Variants in SAMD5 observed in about 807,000 individuals in gnomAD.
SAMD5 encodes the protein sterile alpha motif domain containing 5.
SAMD5 carries 13 observed loss-of-function variants against 11.3 expected under a neutral mutation model. The observed-to-expected ratio is 1.15, with a 90% CI of 0.75 to 1.83. The LOEUF is 1.83. Among genes scored for constraint, SAMD5 ranks in the 40% most tolerant of loss-of-function variants. SAMD5 has a pLI of 0.00. For missense variants in SAMD5, 255 were observed against 239.1 expected (o/e 1.07, Z -0.44); for synonymous variants, 129 against 111.3 (o/e 1.16, Z -1.00).
At chr6:147,632,171 G>A (rs551922714) in intron 1 of SAMD5, among the ~76,000 whole-genome samples, 1 of 152,154 alleles carries the variant, frequency 6.6e-6, no homozygotes, top group Non-Finnish European at 1.5e-5. Context: ...TGCCCTGAGC[G>A]ATGGGATCTG....
chr6:147,615,848 A>T (rs979930673), intron 1 of SAMD5, among the ~76,000 whole-genome samples: 1 of 152,218 alleles, frequency 6.6e-6, no homozygotes, highest in Non-Finnish European at 1.5e-5. Flanking sequence ...CACAGTTTGA[A>T]ATATACCAAA....
chr6:147,526,334 G>A (rs374187298), intron 1 of SAMD5, among the ~76,000 whole-genome samples: 13 of 152,336 alleles, frequency 8.5e-5, no homozygotes, highest in African/African-American at 3.1e-4. Flanking sequence ...CTGTTGGGGT[G>A]ATGCGGGGAA....
chr6:147,665,849 T>G (rs1023326056), intron 1 of SAMD5, among the ~76,000 whole-genome samples: 1 of 152,240 alleles, frequency 6.6e-6, no homozygotes, highest in Non-Finnish European at 1.5e-5. Context: ...CTTCTGTGTG[T>G]TTTTTTCTCC....
chr6:147,783,952 A>G, the SAMD5 span, among the ~76,000 whole-genome samples: 1 of 152,168 alleles, frequency 6.6e-6, no homozygotes, highest in Admixed American at 6.5e-5. Flanking sequence ...TGTGCCTGCC[A>G]TTGGAGTCCT....
chr6:147,591,122 G>C (rs1454275505), intron 1 of SAMD5, among the ~76,000 whole-genome samples: 2 of 147,220 alleles, frequency 1.4e-5, no homozygotes, highest in African/African-American at 5.0e-5. Context: ...TACCCATATT[G>C]TTTCCATAAG....
intron 1 of SAMD5, among the ~76,000 whole-genome samples, chr6:147,643,699 A>G (rs1292352618): frequency 2.0e-5 from 3 of 151,202 alleles, no homozygotes; most frequent in Admixed American, 1.3e-4. Flanking sequence ...AGACTTTACT[A>G]AAAGGAAAGA....
In SAMD5 at chr6:147,612,690, G is replaced by A. The variant is rs572214871; in HGVS notation, c.162+103303G>A. On this transcript the variant is annotated intron_variant, in intron 1 of 1. Coordinates refer to the SAMD5 transcript ENST00000566741. ...ATGCTAGATTTGGCCTCAGAAACCC[G>A]TGGAAGCACAGAGGAACCTGCTGTG... Among the ~76,000 whole-genome samples the A allele has an allele frequency of 5.3e-5, 8 of 152,278 alleles. No homozygotes were observed. The East Asian group carries it at 5.8e-4, about 11-fold the overall frequency.
the SAMD5 span, among the ~76,000 whole-genome samples, chr6:147,811,652 G>A: frequency 1.3e-5 from 2 of 152,010 alleles, no homozygotes; most frequent in African/African-American, 4.8e-5. Context: ...GAGGGGGAGG[G>A]GGTTATATTG....
chr6:147,544,059 A>C (rs1483497551), intron 1 of SAMD5, among the ~76,000 whole-genome samples: 1 of 152,246 alleles, frequency 6.6e-6, no homozygotes, highest in East Asian at 1.9e-4. Flanking sequence ...AAGGTGGCAT[A>C]ACATTTTTAT....
chr6:147,585,577 T>G (rs1789362464), intron 1 of SAMD5, among the ~76,000 whole-genome samples: 1 of 152,158 alleles, frequency 6.6e-6, no homozygotes, highest in South Asian at 2.1e-4. Context: ...TTTAATAAAT[T>G]GCTATTCTAG....
At chr6:147,946,422 C>T in the SAMD5 span, among the ~76,000 whole-genome samples, 1 of 152,162 alleles carries the variant, frequency 6.6e-6, no homozygotes, top group Admixed American at 6.5e-5. Flanking sequence ...ATGAATGGAG[C>T]ATCTAAGAAC....
At chr6:147,620,626 T>A (rs1268261064) in intron 1 of SAMD5, among the ~76,000 whole-genome samples, 1 of 151,670 alleles carries the variant, frequency 6.6e-6, no homozygotes, top group African/African-American at 2.4e-5. Context: ...GGACCCGGAG[T>A]GATTTCGTGA....
At chr6:147,517,207 A>G (rs911358505) in intron 1 of SAMD5, among the ~76,000 whole-genome samples, 2 of 152,252 alleles carry the variant, frequency 1.3e-5, no homozygotes, top group African/African-American at 4.8e-5. Context: ...AGGGCAATCA[A>G]GGCCCCTGCT....
chr6:147,889,062 A>G, the SAMD5 span, among the ~76,000 whole-genome samples: 1 of 152,122 alleles, frequency 6.6e-6, no homozygotes, highest in Admixed American at 6.6e-5. Context: ...TTTTCTTCAA[A>G]TACTTTTTGT....
intron 1 of SAMD5, among the ~76,000 whole-genome samples, chr6:147,594,016 A>C (rs1944643): frequency 0.049 from 7,417 of 150,294 alleles, 546 homozygotes; most frequent in African/African-American, 0.16. Flanking sequence ...GTAATCCCAG[A>C]TACTCAGGAG....
downstream of SAMD5, among the ~76,000 whole-genome samples, chr6:147,738,520 G>C (rs539874741): frequency 1.4e-4 from 22 of 152,294 alleles, no homozygotes; most frequent in South Asian, 2.3e-3. Flanking sequence ...GTTTTCAAAT[G>C]CATGTTGAGG....
At chr6:147,521,556 C>A (rs1480348752) in intron 1 of SAMD5, among the ~76,000 whole-genome samples, 1 of 151,974 alleles carries the variant, frequency 6.6e-6, no homozygotes, top group Non-Finnish European at 1.5e-5. Context: ...TTACTGTTTA[C>A]TTGAATAAGT....
At chr6:147,792,124 A>G in the SAMD5 span, among the ~76,000 whole-genome samples, 1 of 152,174 alleles carries the variant, frequency 6.6e-6, no homozygotes, top group Non-Finnish European at 1.5e-5. Context: ...TGAGAAAGGA[A>G]TTTATTATAA....
chr6:147,568,127 A>G lies in SAMD5; in HGVS notation c.*3671A>G, dbSNP rs1789073016. The G allele has an allele frequency of 1.0e-6, 1 of 985,266 alleles. No individual in the cohort carries two copies. Among genetic ancestry groups the G allele is most frequent in the East Asian group, 1.1e-4 (1 of 8,810 alleles). The allele number at this position is 985,266 out of a possible 1,614,324, so 61.0% of individuals were successfully genotyped here. On this transcript the variant is annotated 3_prime_UTR_variant, in exon 2 of 2. Transcript: ENST00000367474. ...TGATTTTATGACTGATTTACAAATT[A>G]GGAGTGCAAATGGGCTGTTCCCCGA...
Sources: gnomAD v4.1 joint callset for allele counts (sites outside exome capture counted in the v4.1 genomes callset) on GRCh38, gnomAD v4.1.1 for gene constraint, MANE v1.5 for transcripts, NCBI Gene and HGNC (gene_info 2026-07-23, HGNC 2026-07-21) for gene names.